The following EDN3 variants were observed in gnomAD, a reference collection of about 807,000 sequenced individuals.
EDN3 encodes the protein endothelin 3.
In EDN3, 9 loss-of-function variants were observed where a neutral mutation model predicts 21.4. That is an observed-to-expected ratio of 0.42 (90% CI 0.25 to 0.73). The LOEUF is 0.73. EDN3 is among the 30% of genes least tolerant of loss of function. The pLI is 0.26. For missense variants in EDN3, 327 were observed against 309.4 expected (o/e 1.06, Z -0.43); for synonymous variants, 133 against 126.2 (o/e 1.05, Z -0.36).
chr20:59,300,645 G>C lies in EDN3; in HGVS notation c.-168G>C, dbSNP rs950738362. ...TGGGCAGCGCGCTCTGAAAGTTTAT[G>C]ACCGCCGCAGCCAACTCCTGGCCGG... On this transcript the variant is annotated 5_prime_UTR_variant, in exon 1 of 5. The change abolishes an upstream ATG in the 5' untranslated region. Coordinates refer to ENST00000337938, the MANE Select transcript of EDN3 (RefSeq NM_207034.3). The C allele has an allele frequency of 4.5e-6, 3 of 662,134 alleles. No homozygotes were observed. In the African/African-American group the frequency reaches 5.5e-5, roughly 12 times the overall value. The allele number at this position is 662,134 out of a possible 1,614,324, so 41.0% of individuals were successfully genotyped here.
intron 2 of EDN3, among the ~76,000 whole-genome samples, chr20:59,308,721 AATG>A (rs1182193835): frequency 6.6e-6 from 1 of 152,208 alleles, no homozygotes; most frequent in East Asian, 1.9e-4. Context: ...TGGTGGCCAC[AATG>A]ATAACAACAC....
chr20:59,310,349 C>T (rs1989715943), intron 2 of EDN3, among the ~76,000 whole-genome samples: 1 of 152,204 alleles, frequency 6.6e-6, no homozygotes, highest in African/African-American at 2.4e-5. Context: ...GACTTTTGCC[C>T]ACTTTGGAAT....
intron 2 of EDN3, among the ~76,000 whole-genome samples, chr20:59,309,174 G>T (rs559706666): frequency 6.6e-6 from 1 of 152,288 alleles, no homozygotes; most frequent in South Asian, 2.1e-4. Context: ...GCGGGCACCC[G>T]TCTGGGGCTG....
intron 2 of EDN3, among the ~76,000 whole-genome samples, chr20:59,302,310 G>A (rs775573448): frequency 2.6e-5 from 4 of 152,128 alleles, no homozygotes; most frequent in Non-Finnish European, 4.4e-5. Flanking sequence ...TCGTCCTTGG[G>A]CCTTCCACAG....
At chr20:59,308,202 A>G (rs1568830973) in intron 2 of EDN3, among the ~76,000 whole-genome samples, 2 of 152,166 alleles carry the variant, frequency 1.3e-5, no homozygotes, top group Non-Finnish European at 2.9e-5. Context: ...GCTGGGACAG[A>G]GGGGGCTGAG....
At chr20:59,312,994 G>A (rs1215178618) in intron 2 of EDN3, among the ~76,000 whole-genome samples, 1 of 152,204 alleles carries the variant, frequency 6.6e-6, no homozygotes, top group East Asian at 1.9e-4. Context: ...AGGTGCTGAT[G>A]TGGCCTGCAG....
In EDN3 at chr20:59,300,647, C is replaced by T; in HGVS notation, c.-166C>T. 1.5e-6 allele frequency: 1 copy of T among 667,994 alleles called. No individual in the cohort carries two copies. The highest frequency in any genetic ancestry group is 2.5e-6 in the Non-Finnish European group (1 of 395,248). 41.4% of individuals were successfully genotyped at this position (667,994 alleles called of 1,614,324 possible). The stretch of plus-strand genomic sequence containing the variant: ...GGCAGCGCGCTCTGAAAGTTTATGA[C>T]CGCCGCAGCCAACTCCTGGCCGGAG... On this transcript the variant is annotated 5_prime_UTR_variant, in exon 1 of 5. Transcript: ENST00000337938.
Position 59,325,740 on chromosome 20 carries a change from C to T in EDN3, c.*1281C>T, listed in dbSNP as rs746507182. 1.3e-5 allele frequency: 2 copies of T among 152,206 alleles called. No homozygotes were observed. Among genetic ancestry groups the T allele is most frequent in the African/African-American group, 4.8e-5 (2 of 41,444 alleles). The allele number at this position is 152,206 out of a possible 1,614,324, so 9.4% of individuals were successfully genotyped here. On this transcript the variant is annotated 3_prime_UTR_variant, in exon 5 of 5. Coordinates refer to ENST00000337938, the MANE Select transcript of EDN3 (RefSeq NM_207034.3). ...GATTATTTATTGTGAAACTGTTCTC[C>T]ACTCCAACTCCTTTATGTGGATCTG...
chr20:59,307,924 A>T (rs547790832), intron 2 of EDN3, among the ~76,000 whole-genome samples: 2 of 148,570 alleles, frequency 1.3e-5, no homozygotes, highest in African/African-American at 5.0e-5. Flanking sequence ...TTTGATAGTG[A>T]TGATTCATAT....
At chr20:59,323,727 G>C (rs1222974759) in intron 4 of EDN3, 23 of 401,018 alleles carry the variant, frequency 5.7e-5, no homozygotes, top group Non-Finnish European at 8.8e-6. Flanking sequence ...ATTTCAGGTA[G>C]GGGAACCGGT....
Position 59,300,690 on chromosome 20 carries a change from G to A in EDN3, c.-123G>A, listed in dbSNP as rs562510121. On this transcript the variant is annotated 5_prime_UTR_variant, in exon 1 of 5. Coordinates refer to ENST00000337938, the MANE Select transcript of EDN3 (RefSeq NM_207034.3). ...GGCCGGAGCTGGAGACGCAGCGAGCGATCGGCCGGCCTCGAACCCCCACAG... is the reference window on the plus strand; with the variant it reads ...GGCCGGAGCTGGAGACGCAGCGAGCAATCGGCCGGCCTCGAACCCCCACAG... The A allele has an allele frequency of 9.4e-6, 9 of 960,740 alleles. No homozygotes were observed. Among genetic ancestry groups the A allele is most frequent in the African/African-American group, 4.9e-5 (3 of 60,666 alleles). The allele number at this position is 960,740 out of a possible 1,614,324, so 59.5% of individuals were successfully genotyped here.
chr20:59,309,300 G>GC (rs1229575405), intron 2 of EDN3, among the ~76,000 whole-genome samples: 3 of 152,152 alleles, frequency 2.0e-5, no homozygotes, highest in African/African-American at 7.2e-5. Context: ...GCTCTGTGAG[G>GC]CATCTGTGGC....
intron 2 of EDN3, among the ~76,000 whole-genome samples, chr20:59,308,226 G>A (rs1026678438): frequency 3.3e-5 from 5 of 152,142 alleles, no homozygotes; most frequent in African/African-American, 1.2e-4. Context: ...AGGCGAGAGG[G>A]CGAGGGACCC....
In EDN3 at chr20:59,321,112, G is replaced by C. The variant is rs145239588; in HGVS notation, c.461G>C (p.Arg154Pro). ...PLPGNLQLSH[R>P]PHLRCACVGR... ...CCAGGGAATCTGCAGCTCTCACATC[G>C]GCCACACTTGCGCTGCGCTTGTGTG... Residue 154 changes from arginine (R) to proline (P), a missense_variant, in exon 3 of 5, where the codon CGG becomes CCG. Coordinates refer to ENST00000337938, the MANE Select transcript of EDN3 (RefSeq NM_207034.3). The C allele has an allele frequency of 1.9e-6, 3 of 1,614,222 alleles. No homozygotes were observed. The highest frequency in any genetic ancestry group is 8.5e-7 in the Non-Finnish European group (1 of 1,180,044).
chr20:59,304,990 A>C (rs753936261), intron 2 of EDN3, among the ~76,000 whole-genome samples: 3 of 152,154 alleles, frequency 2.0e-5, no homozygotes, highest in Non-Finnish European at 4.4e-5. Flanking sequence ...TCTCCCACAC[A>C]GGAGGCCTCT....
Position 59,322,017 on chromosome 20 carries a change from A to G in EDN3, c.543-355A>G, listed in dbSNP as rs11570343. On this transcript the variant is annotated intron_variant, in intron 3 of 4. Coordinates refer to ENST00000337938, the MANE Select transcript of EDN3 (RefSeq NM_207034.3). The surrounding 1 kb of genome is among the most constrained non-coding windows in gnomAD (Gnocchi z 4.1). ...GAGCAGGCGTAGGTGAGCTGCCCTG[A>G]TGCACACAAAAGACACATAGGCAGG... is the stretch of plus-strand genomic sequence containing the variant. Among the ~76,000 whole-genome samples, 1,015 of 152,262 alleles carry G rather than the reference A, an allele frequency of 6.7e-3. 9 individuals are homozygous for G. The highest frequency in any genetic ancestry group is 0.014 in the Middle Eastern group (4 of 294).
In EDN3 at chr20:59,324,934, C is replaced by A; in HGVS notation, c.*475C>A. 4.6e-6 allele frequency: 1 copy of A among 216,674 alleles called. No individual in the cohort carries two copies. Among genetic ancestry groups the A allele is most frequent in the South Asian group, 8.3e-5 (1 of 12,008 alleles). The allele number at this position is 216,674 out of a possible 1,614,324, so 13.4% of individuals were successfully genotyped here. ...TATGTCAGTGAGGGCCACGAGGCGTCGGCTTTAGACACAGATCATAGCTCT... is the reference window on the plus strand; with the variant it reads ...TATGTCAGTGAGGGCCACGAGGCGTAGGCTTTAGACACAGATCATAGCTCT... On this transcript the variant is annotated 3_prime_UTR_variant, in exon 5 of 5. Transcript: ENST00000337938.
In EDN3 at chr20:59,318,837, A is replaced by G. The variant is rs894273814; in HGVS notation, c.366-2180A>G. Among the ~76,000 whole-genome samples the G allele has an allele frequency of 3.9e-5, 6 of 152,234 alleles. No homozygotes were observed. The East Asian group carries it at 1.2e-3, about 29-fold the overall frequency. On this transcript the variant is annotated intron_variant, in intron 2 of 4. Transcript: ENST00000337938. The stretch of plus-strand genomic sequence containing the variant: ...ATGTGCAAATGCATAATCAGCTGAC[A>G]GCAGTTTCAAAATTGCAGGTCTCAC...
intron 2 of EDN3, among the ~76,000 whole-genome samples, chr20:59,320,504 T>C (rs1990462665): frequency 6.6e-6 from 1 of 152,206 alleles, no homozygotes; most frequent in Admixed American, 6.5e-5. Context: ...TGGTTGTCTT[T>C]AATTCTTTCT....
Sources: gnomAD v4.1 joint callset for allele counts (sites outside exome capture counted in the v4.1 genomes callset) on GRCh38, gnomAD v4.1.1 for gene constraint, Gnocchi (gnomAD v3.1) non-coding constraint, MANE v1.5 for transcripts, NCBI Gene and HGNC (gene_info 2026-07-23, HGNC 2026-07-21) for gene names.